Variants in EVI5 observed in about 807,000 individuals in gnomAD.
The protein encoded by EVI5 is ecotropic viral integration site 5, also known as ecotropic viral integration site 5 protein homolog.
EVI5 carries 73 observed loss-of-function variants against 112.0 expected under a neutral mutation model. The observed-to-expected ratio is 0.65, with a 90% CI of 0.54 to 0.79. EVI5 has a LOEUF of 0.79. Among genes scored for constraint, EVI5 ranks in the 30% least tolerant of loss-of-function variants. The pLI, the probability that EVI5 is intolerant of heterozygous loss-of-function variation, is 0.00. For missense variants in EVI5, 900 were observed against 968.8 expected (o/e 0.93, Z 0.94); for synonymous variants, 305 against 319.9 (o/e 0.95, Z 0.50).
chr1:92,687,208 C>T (rs1341337332), intron 9 of EVI5, among the ~76,000 whole-genome samples: 1 of 152,116 alleles, frequency 6.6e-6, no homozygotes, highest in Non-Finnish European at 1.5e-5. Context: ...ACCAATGGAA[C>T]AGAACAGAGG....
intron 2 of EVI5, among the ~76,000 whole-genome samples, chr1:92,720,889 A>G (rs1341557736): frequency 6.6e-6 from 1 of 152,268 alleles, no homozygotes; most frequent in Non-Finnish European, 1.5e-5. Flanking sequence ...ACTTCTCAAA[A>G]GAAGACATTT....
At chr1:92,667,512 T>A (rs958920627) in intron 10 of EVI5, among the ~76,000 whole-genome samples, 11 of 152,218 alleles carry the variant, frequency 7.2e-5, no homozygotes, top group Non-Finnish European at 2.9e-5. Context: ...ACTTGTCTAA[T>A]TACTGTCATT....
At chr1:92,727,253 G>A (rs954538627) in intron 2 of EVI5, among the ~76,000 whole-genome samples, 4 of 152,104 alleles carry the variant, frequency 2.6e-5, no homozygotes, top group African/African-American at 9.7e-5. Context: ...TTGGGGTGAT[G>A]GAAATATTCT....
chr1:92,685,105 C>A (rs1244102481), intron 9 of EVI5, among the ~76,000 whole-genome samples: 1 of 151,948 alleles, frequency 6.6e-6, no homozygotes, highest in African/African-American at 2.4e-5. Flanking sequence ...AATATACATT[C>A]TTCTCAGCAC....
At chr1:92,681,098 T>C (rs1667511078) in intron 9 of EVI5, among the ~76,000 whole-genome samples, 5 of 152,204 alleles carry the variant, frequency 3.3e-5, no homozygotes. Context: ...ATTGTATCTA[T>C]TAGGTTGGTC....
At chr1:92,650,046 C>G (rs1661818887) in intron 13 of EVI5, among the ~76,000 whole-genome samples, 1 of 152,110 alleles carries the variant, frequency 6.6e-6, no homozygotes, top group African/African-American at 2.4e-5. Context: ...ATCTATGTGT[C>G]TATCCTTATG....
chr1:92,698,641 A>G (rs1670671531), intron 5 of EVI5, among the ~76,000 whole-genome samples: 1 of 152,216 alleles, frequency 6.6e-6, no homozygotes, highest in Non-Finnish European at 1.5e-5. Flanking sequence ...TGAAGGTTAC[A>G]TCATGGAGGA....
chr1:92,650,502 T>C (rs1383695293), intron 13 of EVI5, among the ~76,000 whole-genome samples: 1 of 152,146 alleles, frequency 6.6e-6, no homozygotes, highest in African/African-American at 2.4e-5. Context: ...TATTCATTGC[T>C]GGCGCATTCT....
chr1:92,634,315 C>T (rs1042422816), intron 14 of EVI5, among the ~76,000 whole-genome samples: 2 of 152,216 alleles, frequency 1.3e-5, no homozygotes, highest in Non-Finnish European at 2.9e-5. Context: ...TTCAGGTACA[C>T]CAATCAGACG....
chr1:92,589,945 T>C (rs1419424122), intron 18 of EVI5, among the ~76,000 whole-genome samples: 1 of 152,144 alleles, frequency 6.6e-6, no homozygotes, highest in Non-Finnish European at 1.5e-5. Flanking sequence ...GGCAGCAACA[T>C]TTGCTGTTCA....
At chr1:92,734,144 T>C (rs1392021510) in intron 2 of EVI5, among the ~76,000 whole-genome samples, 2 of 152,238 alleles carry the variant, frequency 1.3e-5, no homozygotes, top group African/African-American at 4.8e-5. Context: ...ACAGATCATA[T>C]TCATTCAATC....
chr1:92,558,673 C>T (rs557085879), intron 19 of EVI5, among the ~76,000 whole-genome samples: 1 of 151,924 alleles, frequency 6.6e-6, no homozygotes, highest in Non-Finnish European at 1.5e-5. Context: ...GTACAGCAGG[C>T]AGAGCAAATG....
At chr1:92,716,809 G>C (rs1673778128) in intron 2 of EVI5, among the ~76,000 whole-genome samples, 1 of 146,404 alleles carries the variant, frequency 6.8e-6, no homozygotes, top group Non-Finnish European at 1.5e-5. Flanking sequence ...CATGGCATGA[G>C]AACTACATGA....
intron 9 of EVI5, among the ~76,000 whole-genome samples, chr1:92,687,912 T>C (rs1033597371): frequency 6.6e-6 from 1 of 152,022 alleles, no homozygotes; most frequent in African/African-American, 2.4e-5. Flanking sequence ...TGTGAAGAAA[T>C]AGGAACGCTT....
Position 92,770,415 on chromosome 1 carries a change from C to A in EVI5, c.-82+14421G>T, listed in dbSNP as rs576559932. Among the ~76,000 whole-genome samples the A allele has an allele frequency of 5.7e-4, 87 of 152,324 alleles. 1 individual carries two copies. In the South Asian group the frequency reaches 0.018, roughly 31 times the overall value. ...AATATATGTTAAAGACATTTCTCCA[C>A]ATGTGTACGTTTCTCTAGGATTTAT... is the stretch of plus-strand genomic sequence containing the variant. On this transcript the variant is annotated intron_variant, in intron 1 of 19. Coordinates refer to ENST00000684568, the MANE Select transcript of EVI5 (RefSeq NM_001350197.2).
At position 92,615,530 on chromosome 1, in the gene EVI5, G is replaced by A. The variant is rs573296852; in HGVS notation, c.1828-7803C>T. Among the ~76,000 whole-genome samples, 5 of 152,226 alleles carry A rather than the reference G, an allele frequency of 3.3e-5. No homozygotes were observed. In the East Asian group the frequency reaches 9.7e-4, roughly 29 times the overall value. On this transcript the variant is annotated intron_variant, in intron 16 of 19. Transcript: ENST00000684568. ...CATGTGGGAGGACCCTGATGAAGCT[G>A]GGGACATAGAGGTTTGTAAACTCTG...
intron 19 of EVI5, among the ~76,000 whole-genome samples, chr1:92,531,567 C>T (rs1662870913): frequency 6.6e-6 from 1 of 152,206 alleles, no homozygotes; most frequent in African/African-American, 2.4e-5. Context: ...AAAGGGAAGT[C>T]CATCAGACTA....
chr1:92,559,666 C>T (rs1188523825), intron 19 of EVI5, among the ~76,000 whole-genome samples: 3 of 142,482 alleles, frequency 2.1e-5, no homozygotes, highest in South Asian at 2.4e-4. Context: ...CCTAGCTACT[C>T]GGGAGGCTGA....
At chr1:92,765,247 G>T (rs1414184089) in intron 1 of EVI5, among the ~76,000 whole-genome samples, 3 of 133,700 alleles carry the variant, frequency 2.2e-5, no homozygotes, top group East Asian at 4.3e-4. Flanking sequence ...TAGAGACAGG[G>T]TCTCACCATG....
Sources: gnomAD v4.1 joint callset for allele counts (sites outside exome capture counted in the v4.1 genomes callset) on GRCh38, gnomAD v4.1.1 for gene constraint, MANE v1.5 for transcripts, NCBI Gene and HGNC (gene_info 2026-07-23, HGNC 2026-07-21) for gene names.